The following ZNF652 variants were observed in gnomAD, a reference collection of about 807,000 sequenced individuals.
ZNF652 encodes zinc finger protein 652.
ZNF652 carries 16 observed loss-of-function variants against 45.2 expected under a neutral mutation model. That is an observed-to-expected ratio of 0.35 (90% CI 0.24 to 0.54). The LOEUF is 0.54. Ranked by LOEUF, ZNF652 falls within the 20% of genes least tolerant of loss-of-function variation. The pLI, the probability that ZNF652 is intolerant of heterozygous loss-of-function variation, is 0.91. For synonymous variants in ZNF652, 250 were observed against 260.6 expected (o/e 0.96, Z 0.39); for missense variants, 614 against 765.6 (o/e 0.80, Z 2.34).
At chr17:49,324,543 A>G (rs1469608665) in intron 1 of ZNF652, among the ~76,000 whole-genome samples, 1 of 150,640 alleles carries the variant, frequency 6.6e-6, no homozygotes, top group Non-Finnish European at 1.5e-5. Context: ...GGTGTGTACC[A>G]TCACATCTTG....
In ZNF652 at chr17:49,291,968, C is replaced by T. The variant is rs2069409908; in HGVS notation, c.*6445G>A. 6.6e-6 allele frequency among the ~76,000 whole-genome samples: 1 copy of T among 152,160 alleles called. No individual in the cohort carries two copies. Among genetic ancestry groups the T allele is most frequent in the South Asian group, 2.1e-4 (1 of 4,830 alleles). On this transcript the variant is annotated 3_prime_UTR_variant, in exon 6 of 6. Coordinates refer to ENST00000430262, the MANE Select transcript of ZNF652 (RefSeq NM_001145365.3). ...CATAACCAATTCTCACAATTTTGCACTATCTCACCAATAATATCTTTCCTG... is the reference window on the plus strand; with the variant it reads ...CATAACCAATTCTCACAATTTTGCATTATCTCACCAATAATATCTTTCCTG...
intron 1 of ZNF652, among the ~76,000 whole-genome samples, chr17:49,346,761 T>C (rs1382342152): frequency 6.6e-6 from 1 of 152,198 alleles, no homozygotes; most frequent in Non-Finnish European, 1.5e-5. Context: ...GTAAATAAAA[T>C]GAATTAAAAA....
intron 1 of ZNF652, among the ~76,000 whole-genome samples, chr17:49,339,357 C>T (rs2070119662): frequency 6.7e-6 from 1 of 149,382 alleles, no homozygotes; most frequent in Non-Finnish European, 1.5e-5. Context: ...TTTAATGCCC[C>T]CCATGTTATT....
chr17:49,324,404 T>A lies in ZNF652; in HGVS notation c.-258-6421A>T, dbSNP rs192919120. Among the ~76,000 whole-genome samples, 11 of 152,254 alleles carry A rather than the reference T, an allele frequency of 7.2e-5. No homozygotes were observed. In the East Asian group the frequency reaches 9.7e-4, roughly 13 times the overall value. On this transcript the variant is annotated intron_variant, in intron 1 of 5. Transcript: ENST00000430262. ...TGTTTCGCCTTTTTTATTTTATTTT[T>A]TTTTTGAGACGGAGTCTCACCTGTC...
At chr17:49,303,270 T>C (rs943014175) in intron 5 of ZNF652, among the ~76,000 whole-genome samples, 1 of 146,942 alleles carries the variant, frequency 6.8e-6, no homozygotes, top group Non-Finnish European at 1.5e-5. Flanking sequence ...AGACAGGGTC[T>C]CATTCTGTCA....
intron 5 of ZNF652, among the ~76,000 whole-genome samples, chr17:49,300,412 G>T (rs2069536401): frequency 6.6e-6 from 1 of 152,128 alleles, no homozygotes; most frequent in African/African-American, 2.4e-5. Context: ...AGAGCATTTA[G>T]AAAGGAAATT....
chr17:49,312,965 C>T (rs779593363), intron 2 of ZNF652, 120 bp from the exon 3 acceptor site: 2 of 948,686 alleles, frequency 2.1e-6, no homozygotes, highest in Non-Finnish European at 3.1e-6. Flanking sequence ...CAGATAAGTG[C>T]TATTCTTCCA....
intron 1 of ZNF652, among the ~76,000 whole-genome samples, chr17:49,324,582 G>C (rs1376848125): frequency 6.6e-6 from 1 of 151,734 alleles, no homozygotes; most frequent in Non-Finnish European, 1.5e-5. Flanking sequence ...TACAGATGAT[G>C]TTTCACTATG....
chr17:49,332,984 G>T (rs2070040216), intron 1 of ZNF652, among the ~76,000 whole-genome samples: 1 of 152,074 alleles, frequency 6.6e-6, no homozygotes, highest in Admixed American at 6.6e-5. Context: ...GCTACAGTGA[G>T]TTATAACTGC....
At chr17:49,325,654 CAA>C (rs199515200) in intron 1 of ZNF652, among the ~76,000 whole-genome samples, 7 of 133,266 alleles carry the variant, frequency 5.3e-5, no homozygotes, top group Admixed American at 7.5e-5. Flanking sequence ...CTCGTCTCTA[CAA>C]AAAAAAAAAA....
At chr17:49,351,055 A>ACACAC (rs2070277830) in intron 1 of ZNF652, among the ~76,000 whole-genome samples, 3 of 141,798 alleles carry the variant, frequency 2.1e-5, no homozygotes, top group African/African-American at 7.9e-5. Flanking sequence ...ACACACACAC[A>ACACAC]TATTTTTATA....
At chr17:49,358,013 A>G (rs901878687) in intron 1 of ZNF652, among the ~76,000 whole-genome samples, 14 of 152,242 alleles carry the variant, frequency 9.2e-5, no homozygotes, top group African/African-American at 3.4e-4. Context: ...AATGATCTGT[A>G]GTTTTACTCC....
At chr17:49,337,025 A>G (rs2070092890) in intron 1 of ZNF652, among the ~76,000 whole-genome samples, 1 of 144,580 alleles carries the variant, frequency 6.9e-6, no homozygotes, top group Admixed American at 7.2e-5. Flanking sequence ...CAACTGTTAC[A>G]TTTTAACACA....
At chr17:49,327,735 ATATATATAT>A (rs1567690313) in intron 1 of ZNF652, among the ~76,000 whole-genome samples, 23 of 4,928 alleles carry the variant, frequency 4.7e-3, no homozygotes, top group Non-Finnish European at 9.7e-3. Context: ...AAATAAATAT[ATATATATAT>A]ATATATATAT....
chr17:49,318,168 C>A (rs2069837339), intron 1 of ZNF652, among the ~76,000 whole-genome samples, 185 bp from the exon 2 acceptor site: 1 of 152,178 alleles, frequency 6.6e-6, no homozygotes, highest in Non-Finnish European at 1.5e-5. Flanking sequence ...ACCTCTGCTG[C>A]CTGGGTTCAA....
At chr17:49,333,890 T>C (rs2070053524) in intron 1 of ZNF652, among the ~76,000 whole-genome samples, 1 of 152,048 alleles carries the variant, frequency 6.6e-6, no homozygotes, top group East Asian at 1.9e-4. Flanking sequence ...CAAGTGTTGG[T>C]GAGGATGTGA....
intron 1 of ZNF652, among the ~76,000 whole-genome samples, chr17:49,351,027 A>ATATATATATATG (rs2070275947): frequency 1.2e-5 from 1 of 85,702 alleles, no homozygotes; most frequent in Non-Finnish European, 2.2e-5. Context: ...ACACACACAC[A>ATATATATATATG]CACACACACA....
chr17:49,320,305 G>T (rs756322201), intron 1 of ZNF652, among the ~76,000 whole-genome samples: 1 of 151,992 alleles, frequency 6.6e-6, no homozygotes, highest in African/African-American at 2.4e-5. Context: ...TGCTTTCATG[G>T]AATTTCAGGA....
intron 1 of ZNF652, among the ~76,000 whole-genome samples, chr17:49,358,739 G>A (rs1240322440): frequency 6.6e-6 from 1 of 152,098 alleles, no homozygotes; most frequent in African/African-American, 2.4e-5. Flanking sequence ...ACTTAGAACA[G>A]AAATGGCAAC....
Sources: allele counts gnomAD v4.1 joint callset (sites outside exome capture counted in the v4.1 genomes callset), GRCh38; gene constraint gnomAD v4.1.1; transcripts MANE v1.5; gene names NCBI Gene and HGNC (gene_info 2026-07-23, HGNC 2026-07-21).